NCKAP5: variants seen among roughly 807,000 people sequenced by gnomAD.
NCKAP5 encodes the protein nck-associated protein 5.
A neutral mutation model predicts 167.0 loss-of-function variants in NCKAP5; 92 were observed. That is an observed-to-expected ratio of 0.55 (90% CI 0.47 to 0.66). The LOEUF (loss-of-function observed/expected upper bound fraction) is 0.66. Among genes scored for constraint, NCKAP5 ranks in the 30% least tolerant of loss-of-function variants. The pLI is 0.00. For synonymous variants in NCKAP5, 891 were observed against 877.4 expected (o/e 1.02, Z -0.27); for missense variants, 2,378 against 2,315.0 (o/e 1.03, Z -0.56).
At chr2:133,271,833 A>C (rs2089525984) in intron 4 of NCKAP5, among the ~76,000 whole-genome samples, 2 of 152,200 alleles carry the variant, frequency 1.3e-5, no homozygotes, top group African/African-American at 4.8e-5. Context: ...GTTATAAAGA[A>C]AGTAGTCCTT....
chr2:133,664,296 G>A, the NCKAP5 span, among the ~76,000 whole-genome samples: 5 of 151,996 alleles, frequency 3.3e-5, no homozygotes, highest in East Asian at 1.9e-4. Flanking sequence ...AGCATAATTC[G>A]TAAGGACCCT....
chr2:133,411,379 AC>A (rs1688762920), intron 3 of NCKAP5, among the ~76,000 whole-genome samples: 1 of 152,138 alleles, frequency 6.6e-6, no homozygotes, highest in South Asian at 2.1e-4. Flanking sequence ...CCAGCTAATG[AC>A]TGGAGAATGT....
At position 132,994,223 on chromosome 2, in the gene NCKAP5, G is replaced by T; in HGVS notation, c.358C>A (p.Arg120=). 6.3e-7 allele frequency: 1 copy of T among 1,585,860 alleles called. No individual in the cohort carries two copies. The highest frequency in any genetic ancestry group is 1.2e-5 in the South Asian group (1 of 86,532). ...QQFSRMEETV[R]NLLQSQGSPE... ...GATCCTTGACTCTGCAATAGATTTC[G>T]TACTGTTTCTTCCATCCTGAGAAAC... The change falls in exon 7 of 20, where the codon CGA becomes AGA. Residue 120 remains arginine, a synonymous_variant. Coordinates refer to ENST00000409261, the MANE Select transcript of NCKAP5 (RefSeq NM_207363.3).
intron 2 of NCKAP5, among the ~76,000 whole-genome samples, chr2:133,537,909 C>T (rs1489822593): frequency 6.6e-6 from 1 of 152,158 alleles, no homozygotes; most frequent in Non-Finnish European, 1.5e-5. Context: ...CTAACAATAT[C>T]TTAGCTGCCC....
chr2:132,980,029 G>A (rs1258620207), intron 7 of NCKAP5, among the ~76,000 whole-genome samples: 11 of 138,278 alleles, frequency 8.0e-5, no homozygotes, highest in East Asian at 4.1e-4. Flanking sequence ...GGTCTCTGTC[G>A]CCCAGACTGT....
At chr2:132,785,793 T>C (rs1033038328) in intron 13 of NCKAP5, 75 bp from the exon 14 acceptor site, 13 of 1,230,264 alleles carry the variant, frequency 1.1e-5, no homozygotes, top group Admixed American at 7.2e-5. Context: ...AAGTACATCA[T>C]GGGACTTAAT....
chr2:132,821,600 C>A (rs189082010), intron 11 of NCKAP5, among the ~76,000 whole-genome samples: 3 of 152,116 alleles, frequency 2.0e-5, no homozygotes, highest in Non-Finnish European at 4.4e-5. Flanking sequence ...GGAGCTACTG[C>A]GGACAGAGTG....
intron 3 of NCKAP5, among the ~76,000 whole-genome samples, chr2:133,352,018 G>GA (rs1276027216): frequency 4.6e-5 from 7 of 151,908 alleles, no homozygotes; most frequent in Non-Finnish European, 7.4e-5. Context: ...CATTTTCTAT[G>GA]AAAAAAAATG....
At chr2:132,908,271 C>T (rs1173353541) in intron 8 of NCKAP5, among the ~76,000 whole-genome samples, 1 of 151,876 alleles carries the variant, frequency 6.6e-6, no homozygotes, top group Non-Finnish European at 1.5e-5. Flanking sequence ...GGCCTGATTT[C>T]TATCTTTTCC....
chr2:133,617,396 AG>A, the NCKAP5 span, among the ~76,000 whole-genome samples: 1 of 150,052 alleles, frequency 6.7e-6, no homozygotes, highest in African/African-American at 2.4e-5. Context: ...TTGTATATCT[AG>A]AAAACCCCAT....
intron 4 of NCKAP5, among the ~76,000 whole-genome samples, chr2:133,300,361 C>T (rs147990019): frequency 4.6e-5 from 6 of 129,942 alleles, no homozygotes; most frequent in Admixed American, 7.3e-5. Flanking sequence ...TTGATGAACA[C>T]TGATGCAAAA....
chr2:132,735,823 C>T (rs1020014914), intron 16 of NCKAP5, among the ~76,000 whole-genome samples: 4 of 152,134 alleles, frequency 2.6e-5, no homozygotes, highest in East Asian at 1.9e-4. Flanking sequence ...ACAAAGCCAT[C>T]GGGTAGTTGC....
intron 3 of NCKAP5, among the ~76,000 whole-genome samples, chr2:133,360,426 C>T (rs1489900980): frequency 6.6e-6 from 1 of 152,004 alleles, no homozygotes; most frequent in Admixed American, 6.6e-5. Context: ...AATTTGTTGC[C>T]ATGGGTACCC....
chr2:133,563,353 G>A (rs918071331), intron 1 of NCKAP5, among the ~76,000 whole-genome samples: 5 of 152,042 alleles, frequency 3.3e-5, no homozygotes, highest in East Asian at 1.9e-4. Context: ...GGCAGATCAC[G>A]AGGTCAGGCT....
intron 11 of NCKAP5, among the ~76,000 whole-genome samples, chr2:132,811,687 G>A (rs1685881458): frequency 6.6e-6 from 1 of 152,058 alleles, no homozygotes; most frequent in African/African-American, 2.4e-5. Flanking sequence ...CTTGCCCCAG[G>A]CTACCCACCA....
chr2:133,464,189 C>T lies in NCKAP5; in HGVS notation c.69+53269G>A, dbSNP rs150374179. On this transcript the variant is annotated intron_variant, in intron 3 of 19. Coordinates refer to ENST00000409261, the MANE Select transcript of NCKAP5 (RefSeq NM_207363.3). ...GGTTCAAAAAACAGATGATTTTGAACAGAAAGACAGAAACACAGTATTCTA... is the reference window on the plus strand; with the variant it reads ...GGTTCAAAAAACAGATGATTTTGAATAGAAAGACAGAAACACAGTATTCTA... 9.2e-4 allele frequency among the ~76,000 whole-genome samples: 140 copies of T among 152,246 alleles called. 1 individual carries two copies. The highest frequency in any genetic ancestry group is 3.2e-3 in the African/African-American group (131 of 41,556).
chr2:133,527,429 G>A (rs1264811539), intron 2 of NCKAP5, among the ~76,000 whole-genome samples: 2 of 152,020 alleles, frequency 1.3e-5, no homozygotes, highest in Non-Finnish European at 2.9e-5. Context: ...AATTACCTAG[G>A]AGCTTTTTTT....
intron 3 of NCKAP5, among the ~76,000 whole-genome samples, chr2:133,385,015 T>C (rs1223483593): frequency 6.6e-6 from 1 of 152,170 alleles, no homozygotes; most frequent in Non-Finnish European, 1.5e-5. Flanking sequence ...GACTTCCTGT[T>C]TTCCTAATTG....
rs561254280 is a variant in NCKAP5 at position 132,722,617 on chromosome 2, A to G, written c.5713+3010T>C. 9.5e-4 allele frequency among the ~76,000 whole-genome samples: 144 copies of G among 151,228 alleles called. 1 individual carries two copies. The highest frequency in any genetic ancestry group is 1.8e-3 in the Non-Finnish European group (119 of 67,784). Reference sequence around the variant, plus strand: ...ACACTCAAATTTACATGAGCCCCAGACTCTCCTAGCCTCCCACCTACCCAC... The same window carrying G: ...ACACTCAAATTTACATGAGCCCCAGGCTCTCCTAGCCTCCCACCTACCCAC... On this transcript the variant is annotated intron_variant, in intron 19 of 19. Transcript: ENST00000409261.
Sources: gnomAD v4.1 joint callset for allele counts (sites outside exome capture counted in the v4.1 genomes callset) on GRCh38, gnomAD v4.1.1 for gene constraint, MANE v1.5 for transcripts, NCBI Gene and HGNC (gene_info 2026-07-23, HGNC 2026-07-21) for gene names.